SEC24B: variants seen among roughly 807,000 people sequenced by gnomAD.
SEC24B encodes the protein protein transport protein Sec24B.
A neutral mutation model predicts 142.8 loss-of-function variants in SEC24B; 45 were observed. The ratio of observed to expected loss-of-function variants is 0.32; its 90% CI spans 0.25 to 0.40. SEC24B has a LOEUF of 0.40. SEC24B is among the 10% of genes least tolerant of loss of function. The probability of loss-of-function intolerance (pLI) is 1.00; values close to 1 mark genes in which losing one functional copy is unlikely to be tolerated. For synonymous variants in SEC24B, 574 were observed against 568.2 expected (o/e 1.01, Z -0.15); for missense variants, 1,409 against 1,526.8 (o/e 0.92, Z 1.29).
At chr4:109,523,408 T>G (rs947206833) in intron 14 of SEC24B, among the ~76,000 whole-genome samples, 2 of 152,020 alleles carry the variant, frequency 1.3e-5, no homozygotes, top group African/African-American at 2.4e-5. Context: ...AGGCAGAGTT[T>G]GCAGCGAGCT....
At chr4:109,531,600 T>G (rs1029250989) in intron 20 of SEC24B, 78 bp downstream of exon 20, 1 of 1,070,442 alleles carries the variant, frequency 9.3e-7, no homozygotes, top group African/African-American at 1.6e-5. Flanking sequence ...GATGATAATA[T>G]ACTATCAACT....
At chr4:109,452,991 G>A (rs1730266271) in intron 1 of SEC24B, among the ~76,000 whole-genome samples, 1 of 152,220 alleles carries the variant, frequency 6.6e-6, no homozygotes, top group South Asian at 2.1e-4. Context: ...GAGAAATAAA[G>A]GGAAAGAGTA....
rs1457187740 is a variant in SEC24B, at chr4:109,483,025, T to TAC, written c.1165+1245_1165+1246insCA. Among the ~76,000 whole-genome samples the TAC allele has an allele frequency of 3.4e-4, 40 of 117,588 alleles. 1 individual carries two copies. The highest frequency in any genetic ancestry group is 1.8e-3 in the African/African-American group (38 of 21,056). The allele number at this position is 117,588 out of a possible 152,430, so 77.1% of individuals were successfully genotyped here. ...ACACATATTATACATATGTTTTTTA[T>TAC]ATATGTATTTATATATATGTATTTA... is the stretch of plus-strand genomic sequence containing the variant. On this transcript the variant is annotated intron_variant, in intron 4 of 23. Transcript: ENST00000265175.
At chr4:109,494,933 C>T in intron 6 of SEC24B, 77 bp downstream of exon 6, 1 of 1,550,924 alleles carries the variant, frequency 6.4e-7, no homozygotes, top group Non-Finnish European at 8.8e-7. Flanking sequence ...GGATTTGTAC[C>T]TGTGATCCAA....
intron 5 of SEC24B, among the ~76,000 whole-genome samples, chr4:109,492,698 A>G (rs1043873056): frequency 6.6e-6 from 1 of 152,226 alleles, no homozygotes; most frequent in African/African-American, 2.4e-5. Flanking sequence ...GAATAGATCT[A>G]TAGAAACCTA....
intron 1 of SEC24B, among the ~76,000 whole-genome samples, chr4:109,435,491 G>T (rs1315600355): frequency 1.3e-5 from 2 of 152,172 alleles, no homozygotes; most frequent in Non-Finnish European, 2.9e-5. Flanking sequence ...AGTGATTCAA[G>T]GATTGTGTCT....
At chr4:109,522,732 A>G (rs571398261) in intron 14 of SEC24B, among the ~76,000 whole-genome samples, 31 of 152,324 alleles carry the variant, frequency 2.0e-4, no homozygotes, top group African/African-American at 7.5e-4. Flanking sequence ...ACAAATAAGC[A>G]TAATTGGACA....
intron 4 of SEC24B, among the ~76,000 whole-genome samples, chr4:109,490,385 G>A (rs1362960857): frequency 6.6e-6 from 1 of 151,928 alleles, no homozygotes; most frequent in Non-Finnish European, 1.5e-5. Context: ...TATTACAATT[G>A]AAAATTAACC....
chr4:109,475,338 A>C (rs1266671749), intron 3 of SEC24B, among the ~76,000 whole-genome samples: 3 of 152,170 alleles, frequency 2.0e-5, no homozygotes, highest in Non-Finnish European at 4.4e-5. Flanking sequence ...GCATGAATGG[A>C]GCTTCTTCGA....
Position 109,533,687 on chromosome 4 carries a change from T to G in SEC24B, c.3588+2T>G. ...TTTGCATCAATACCACAGAAAATGG[T>G]CAGTAGATTTTATACACCTTTAACT... On this transcript the variant is annotated splice_donor_variant, in intron 22 of 23. Coordinates refer to ENST00000265175, the MANE Select transcript of SEC24B (RefSeq NM_006323.5). LOFTEE classifies it high-confidence loss of function. The G allele has an allele frequency of 6.4e-7, 1 of 1,557,862 alleles. No individual in the cohort carries two copies. The highest frequency in any genetic ancestry group is 8.8e-7 in the Non-Finnish European group (1 of 1,136,736).
chr4:109,507,404 GC>G lies in SEC24B; in HGVS notation c.1673+893del, dbSNP rs201210063. 5.3e-3 allele frequency among the ~76,000 whole-genome samples: 795 copies of G among 149,412 alleles called. 34 individuals are homozygous for G. In the South Asian group the frequency reaches 0.08, roughly 15 times the overall value. ...ATTCTCGTGCCTCAGCCACCAAGTA[GC>G]TGAGATTACGGGTGTGCACCATGAT... On this transcript the variant is annotated intron_variant, in intron 7 of 23. Coordinates refer to ENST00000265175, the MANE Select transcript of SEC24B (RefSeq NM_006323.5).
intron 18 of SEC24B, among the ~76,000 whole-genome samples, chr4:109,529,644 C>G (rs559591362): frequency 6.6e-6 from 1 of 152,154 alleles, no homozygotes; most frequent in African/African-American, 2.4e-5. Context: ...AAAAATGATA[C>G]ATGTGACTTG....
At chr4:109,481,831 CTTT>C in intron 4 of SEC24B, 50 bp downstream of exon 4, 1 of 1,408,806 alleles carries the variant, frequency 7.1e-7, no homozygotes. Context: ...CTCAAGTTTT[CTTT>C]TTGTTTCCAC....
At chr4:109,465,617 C>T (rs1731780292) in intron 2 of SEC24B, among the ~76,000 whole-genome samples, 1 of 152,112 alleles carries the variant, frequency 6.6e-6, no homozygotes, top group African/African-American at 2.4e-5. Flanking sequence ...GATTTTGTGA[C>T]TTTCATGACA....
At chr4:109,475,443 A>G (rs1390642466) in intron 3 of SEC24B, among the ~76,000 whole-genome samples, 1 of 152,200 alleles carries the variant, frequency 6.6e-6, no homozygotes, top group Non-Finnish European at 1.5e-5. Context: ...TTTTTCTTCC[A>G]AATTCAAAGA....
chr4:109,460,132 T>G (rs1010100943), intron 1 of SEC24B, among the ~76,000 whole-genome samples: 1 of 152,156 alleles, frequency 6.6e-6, no homozygotes, highest in Non-Finnish European at 1.5e-5. Context: ...GGAATGTAGA[T>G]GATATTTTTC....
chr4:109,443,946 G>A (rs893779865), intron 1 of SEC24B, among the ~76,000 whole-genome samples: 3 of 152,130 alleles, frequency 2.0e-5, no homozygotes, highest in African/African-American at 7.2e-5. Context: ...GTTTGGGCCC[G>A]GTGTGGTGGC....
At chr4:109,504,448 A>G (rs983053505) in intron 6 of SEC24B, among the ~76,000 whole-genome samples, 2 of 151,878 alleles carry the variant, frequency 1.3e-5, no homozygotes, top group African/African-American at 2.4e-5. Flanking sequence ...AAAATAACTG[A>G]GTCTGTTGTT....
At position 109,448,454 on chromosome 4, in the gene SEC24B, A is replaced by G. The variant is rs368537679; in HGVS notation, c.134-14447A>G. Among the ~76,000 whole-genome samples the G allele has an allele frequency of 1.6e-4, 24 of 152,300 alleles. No homozygotes were observed. In the East Asian group the frequency reaches 1.9e-3, roughly 12 times the overall value. On this transcript the variant is annotated intron_variant, in intron 1 of 23. Coordinates refer to ENST00000265175, the MANE Select transcript of SEC24B (RefSeq NM_006323.5). ...ACTTACAGAAGTGTTGCAAAGATAT[A>G]CAGAAAGTGCAGTACCCTTCAGTCA...
Sources: gnomAD v4.1 joint callset for allele counts (sites outside exome capture counted in the v4.1 genomes callset) on GRCh38, gnomAD v4.1.1 for gene constraint, MANE v1.5 for transcripts, NCBI Gene and HGNC (gene_info 2026-07-23, HGNC 2026-07-21) for gene names.